The following BRI3BP variants were observed in gnomAD, a reference collection of about 807,000 sequenced individuals.
The protein encoded by BRI3BP is BRI3 binding protein.
A neutral mutation model predicts 15.8 loss-of-function variants in BRI3BP; 7 were observed. The ratio of observed to expected loss-of-function variants is 0.44; its 90% confidence interval spans 0.25 to 0.83. BRI3BP has a LOEUF of 0.83. BRI3BP is among the 40% of genes least tolerant of loss of function. BRI3BP has a pLI of 0.20. For missense variants in BRI3BP, 320 were observed against 339.3 expected (o/e 0.94, Z 0.45); for synonymous variants, 192 against 163.5 (o/e 1.17, Z -1.33).
downstream of BRI3BP, among the ~76,000 whole-genome samples, chr12:125,032,548 G>A (rs768683536): frequency 5.3e-5 from 8 of 152,220 alleles, no homozygotes; most frequent in Non-Finnish European, 8.8e-5. Context: ...CAGGTGAATC[G>A]CTCGAGTCCA....
intron 1 of BRI3BP, among the ~76,000 whole-genome samples, chr12:124,998,411 A>G (rs769643576): frequency 2.2e-4 from 33 of 152,370 alleles, no homozygotes; most frequent in African/African-American, 7.9e-4. Flanking sequence ...ATGTGTCTGT[A>G]TAATGAAATA....
At chr12:125,022,541 A>ATTTATTTTTTTTTTTTTTTTTTTTTTT in intron 2 of BRI3BP, among the ~76,000 whole-genome samples, 1 of 139,404 alleles carries the variant, frequency 7.2e-6, no homozygotes, top group African/African-American at 2.9e-5. Flanking sequence ...TTATTTATTT[A>ATTTATTTTTTTTTTTTTTTTTTTTTTT]TTTTTTGAGA....
chr12:125,020,599 A>G (rs1955289987), intron 2 of BRI3BP, among the ~76,000 whole-genome samples: 1 of 152,246 alleles, frequency 6.6e-6, no homozygotes, highest in Non-Finnish European at 1.5e-5. Flanking sequence ...TAAATTATTA[A>G]CAATGGCTGG....
chr12:125,047,022 A>T, the BRI3BP span, among the ~76,000 whole-genome samples: 1 of 152,232 alleles, frequency 6.6e-6, no homozygotes, highest in Non-Finnish European at 1.5e-5. Flanking sequence ...TTTTTCTCTG[A>T]ATAGCAAAAA....
chr12:125,044,196 A>G, the BRI3BP span, among the ~76,000 whole-genome samples: 2 of 151,920 alleles, frequency 1.3e-5, no homozygotes, highest in African/African-American at 2.4e-5. Flanking sequence ...TCTGTCGCCC[A>G]GGCTAGAGTG....
chr12:125,007,720 C>CAA (rs796727129), intron 1 of BRI3BP, among the ~76,000 whole-genome samples: 15 of 129,164 alleles, frequency 1.2e-4, no homozygotes, highest in African/African-American at 4.2e-4. Flanking sequence ...ACCCTGTCTC[C>CAA]AAAAAAAAAA....
the BRI3BP span, among the ~76,000 whole-genome samples, chr12:125,043,623 G>A: frequency 2.2e-4 from 33 of 151,908 alleles, no homozygotes; most frequent in African/African-American, 7.2e-4. Flanking sequence ...TTGGGAGGCC[G>A]AGGTGGGCCA....
chr12:125,017,785 A>T (rs1955260435), intron 2 of BRI3BP, among the ~76,000 whole-genome samples: 1 of 152,240 alleles, frequency 6.6e-6, no homozygotes, highest in East Asian at 1.9e-4. Flanking sequence ...CACTTCCAAC[A>T]AAGTTTCCAG....
intron 1 of BRI3BP, 29 bp downstream of exon 1, chr12:124,994,032 C>G (rs772463304): frequency 7.1e-6 from 9 of 1,273,006 alleles, no homozygotes; most frequent in Non-Finnish European, 6.0e-6. Context: ...CCCGCGGTCA[C>G]CTTGCCCCGG....
At chr12:125,047,671 C>G in the BRI3BP span, among the ~76,000 whole-genome samples, 3 of 152,046 alleles carry the variant, frequency 2.0e-5, no homozygotes, top group Non-Finnish European at 4.4e-5. Flanking sequence ...CCACCATGCC[C>G]AGCCCGTTTT....
chr12:124,993,835 C>CCTGCTGCTGCTGCTGCTGCTG lies in BRI3BP; in HGVS notation c.54_74dup (p.Leu19_Leu25dup). 8.7e-7 allele frequency: 1 copy of CCTGCTGCTGCTGCTGCTGCTG among 1,148,688 alleles called. No homozygotes were observed. Among genetic ancestry groups the CCTGCTGCTGCTGCTGCTGCTG allele is most frequent in the Non-Finnish European group, 1.1e-6 (1 of 933,972 alleles). 71.2% of individuals were successfully genotyped at this position (1,148,688 alleles called of 1,614,324 possible). On this transcript the variant is annotated inframe_insertion, in exon 1 of 3. Coordinates refer to ENST00000341446, the MANE Select transcript of BRI3BP (RefSeq NM_080626.6). Reference sequence around the variant, plus strand: ...GCGGGCCCCTGGCCCGGGCCGGGCTCCTGCTGCTGCTGCTGCTGCTGCTGC... The same window carrying CCTGCTGCTGCTGCTGCTGCTG: ...GCGGGCCCCTGGCCCGGGCCGGGCTCCTGCTGCTGCTGCTGCTGCTGCTGCTGCTGCTGCTGCTGCTGCTGC...
chr12:125,013,762 C>G (rs957787970), intron 2 of BRI3BP, among the ~76,000 whole-genome samples: 2 of 152,158 alleles, frequency 1.3e-5, no homozygotes, highest in African/African-American at 4.8e-5. Context: ...GAGGGTAGTC[C>G]AGTTTGATAG....
chr12:125,017,130 G>A (rs929328416), intron 2 of BRI3BP, among the ~76,000 whole-genome samples: 3 of 150,548 alleles, frequency 2.0e-5, no homozygotes, highest in Non-Finnish European at 4.4e-5. Context: ...AGCAATTCTC[G>A]TGCCTCAGTC....
At chr12:125,050,645 C>T in the BRI3BP span, among the ~76,000 whole-genome samples, 3 of 152,190 alleles carry the variant, frequency 2.0e-5, no homozygotes, top group East Asian at 1.9e-4. Context: ...GACCAGAGCC[C>T]GGCGGTCATG....
intron 2 of BRI3BP, 87 bp from the exon 3 acceptor site, chr12:125,024,904 C>T: frequency 8.0e-7 from 1 of 1,254,250 alleles, no homozygotes; most frequent in Non-Finnish European, 1.1e-6. Flanking sequence ...TTAAGCCCCA[C>T]AGGCCAGCTC....
the BRI3BP span, among the ~76,000 whole-genome samples, chr12:125,045,347 CT>C: frequency 6.6e-6 from 1 of 151,254 alleles, no homozygotes; most frequent in Non-Finnish European, 1.5e-5. Flanking sequence ...ATGTTTTCTT[CT>C]TTTTTTTTGG....
chr12:125,001,438 C>G (rs1481413418), intron 1 of BRI3BP, among the ~76,000 whole-genome samples: 1 of 152,184 alleles, frequency 6.6e-6, no homozygotes, highest in Non-Finnish European at 1.5e-5. Context: ...CGGCTCGGTG[C>G]AACCTCTGCC....
Position 124,993,991 on chromosome 12 carries a change from C to A in BRI3BP, c.201C>A (p.Arg67=). ...VSSLFGEDNV[R]AAQKFLARLT... is the part of the protein sequence containing the mutation. ...GCCTGTTCGGCGAGGACAACGTGCG[C>A]GCCGCTCAGAAGGTGGGCGCCGGGC... The change falls in exon 1 of 3, where the codon CGC becomes CGA. Residue 67 remains arginine (R), a synonymous_variant. Coordinates refer to ENST00000341446, the MANE Select transcript of BRI3BP (RefSeq NM_080626.6). The A allele has an allele frequency of 7.4e-7, 1 of 1,350,246 alleles. No individual in the cohort carries two copies. Among genetic ancestry groups the A allele is most frequent in the Admixed American group, 2.6e-5 (1 of 38,958 alleles). 83.6% of individuals were successfully genotyped at this position (1,350,246 alleles called of 1,614,324 possible).
the BRI3BP span, among the ~76,000 whole-genome samples, chr12:125,046,456 A>C: frequency 6.6e-6 from 1 of 151,984 alleles, no homozygotes; most frequent in African/African-American, 2.4e-5. Context: ...CAGGAAGCTG[A>C]GGCAAGAAGC....
Sources: allele counts gnomAD v4.1 joint callset (sites outside exome capture counted in the v4.1 genomes callset), GRCh38; gene constraint gnomAD v4.1.1; transcripts MANE v1.5; gene names NCBI Gene and HGNC (gene_info 2026-07-23, HGNC 2026-07-21).